Variants in OPRD1 observed in about 807,000 individuals in gnomAD.
OPRD1 encodes opioid receptor delta 1.
OPRD1 carries 19 observed loss-of-function variants against 17.5 expected under a neutral mutation model. The ratio of observed to expected loss-of-function variants is 1.09; its 90% CI spans 0.76 to 1.60. The LOEUF (loss-of-function observed/expected upper bound fraction) is 1.60, where lower values mean the gene tolerates loss of function less well. OPRD1 is among the 40% of genes most tolerant of loss of function. The pLI, the probability that OPRD1 is intolerant of heterozygous loss-of-function variation, is 0.00. For missense variants in OPRD1, 483 were observed against 547.2 expected (o/e 0.88, Z 1.17); for synonymous variants, 256 against 240.9 (o/e 1.06, Z -0.58).
At chr1:28,812,686 G>C in intron 1 of OPRD1, 76 bp downstream of exon 1, 1 of 1,290,958 alleles carries the variant, frequency 7.7e-7, no homozygotes. Flanking sequence ...GAGACCCCAA[G>C]CCCGTTCCCT....
chr1:28,821,072 C>G (rs893662887), intron 1 of OPRD1, among the ~76,000 whole-genome samples: 6 of 151,772 alleles, frequency 4.0e-5, no homozygotes, highest in Admixed American at 1.3e-4. Flanking sequence ...TTTTCTGTCT[C>G]TCTTTCTGTT....
At chr1:28,837,333 G>A (rs78612345) in intron 1 of OPRD1, among the ~76,000 whole-genome samples, 1 of 152,062 alleles carries the variant, frequency 6.6e-6, no homozygotes, top group East Asian at 1.9e-4. Flanking sequence ...CTCACCTCCT[G>A]CTCTGTGGGC....
intron 1 of OPRD1, among the ~76,000 whole-genome samples, chr1:28,843,948 G>A (rs2088918203): frequency 6.6e-6 from 1 of 152,064 alleles, no homozygotes; most frequent in South Asian, 2.1e-4. Flanking sequence ...GAAGAATACT[G>A]CTATGAACAT....
chr1:28,821,256 C>T (rs1166749247), intron 1 of OPRD1, among the ~76,000 whole-genome samples: 1 of 152,116 alleles, frequency 6.6e-6, no homozygotes, highest in East Asian at 1.9e-4. Context: ...GTACCTGCCA[C>T]CATGCCCGGC....
intron 1 of OPRD1, among the ~76,000 whole-genome samples, chr1:28,848,262 G>A (rs1043313489): frequency 1.3e-5 from 2 of 151,828 alleles, no homozygotes; most frequent in South Asian, 2.1e-4. Flanking sequence ...AAAAATGACA[G>A]CAAGAGAAAC....
intron 1 of OPRD1, among the ~76,000 whole-genome samples, chr1:28,855,078 A>C (rs908256114): frequency 1.3e-5 from 2 of 152,152 alleles, no homozygotes; most frequent in Non-Finnish European, 2.9e-5. Context: ...AAAGAAGATG[A>C]ATGTAAGTCA....
chr1:28,819,185 G>A (rs533587353), intron 1 of OPRD1, among the ~76,000 whole-genome samples: 5 of 152,194 alleles, frequency 3.3e-5, no homozygotes, highest in African/African-American at 1.2e-4. Context: ...GACCTAACAA[G>A]AAGGCAGGAA....
intron 1 of OPRD1, among the ~76,000 whole-genome samples, chr1:28,839,109 T>C (rs1161554475): frequency 6.6e-6 from 1 of 152,174 alleles, no homozygotes; most frequent in Admixed American, 6.6e-5. Flanking sequence ...GCAGACTTGA[T>C]GGCTTAAAAC....
chr1:28,828,656 A>G (rs1279038892), intron 1 of OPRD1, among the ~76,000 whole-genome samples: 1 of 144,314 alleles, frequency 6.9e-6, no homozygotes, highest in Non-Finnish European at 1.5e-5. Flanking sequence ...ACTGCATTCC[A>G]GCCTGAGTGA....
At chr1:28,820,142 A>G (rs2088700224) in intron 1 of OPRD1, among the ~76,000 whole-genome samples, 1 of 151,534 alleles carries the variant, frequency 6.6e-6, no homozygotes, top group Non-Finnish European at 1.5e-5. Flanking sequence ...GAGGAGTCAC[A>G]CTTGCTTTGC....
At chr1:28,837,634 G>C (rs1284359080) in intron 1 of OPRD1, among the ~76,000 whole-genome samples, 1 of 151,286 alleles carries the variant, frequency 6.6e-6, no homozygotes, top group African/African-American at 2.4e-5. Flanking sequence ...GTGACAGAGT[G>C]AGATTCCGTC....
rs1557583770 is a variant in OPRD1, at chr1:28,869,940, GCCATGTTGTTGCCT to G, written c.*6658_*6671del. The G allele has an allele frequency of 1.3e-5, 2 of 152,180 alleles. No individual in the cohort carries two copies. The highest frequency in any genetic ancestry group is 4.8e-5 in the African/African-American group (2 of 41,434). 9.4% of individuals were successfully genotyped at this position (152,180 alleles called of 1,614,324 possible). ...TTGTTTGATAATTTTCTGACTGACT[GCCATGTTGTTGCCT>G]TGTGACCTTGGGCATGTCATTTCAC... is the stretch of plus-strand genomic sequence containing the variant. On this transcript the variant is annotated 3_prime_UTR_variant, in exon 3 of 3. Coordinates refer to ENST00000234961, the MANE Select transcript of OPRD1 (RefSeq NM_000911.4).
intron 1 of OPRD1, among the ~76,000 whole-genome samples, chr1:28,833,624 G>A (rs887699419): frequency 6.6e-6 from 1 of 152,122 alleles, no homozygotes; most frequent in Admixed American, 6.6e-5. Context: ...TCACAGCAAC[G>A]CCTCGATTAG....
At chr1:28,852,109 G>A (rs1261635292) in intron 1 of OPRD1, among the ~76,000 whole-genome samples, 1 of 146,628 alleles carries the variant, frequency 6.8e-6, no homozygotes, top group Non-Finnish European at 1.5e-5. Context: ...GGAGCTTGGA[G>A]TGAGCCGAGA....
At chr1:28,816,146 G>T (rs909247211) in intron 1 of OPRD1, among the ~76,000 whole-genome samples, 1 of 152,180 alleles carries the variant, frequency 6.6e-6, no homozygotes, top group Non-Finnish European at 1.5e-5. Context: ...TACATGCTCT[G>T]TGCTAAATGC....
intron 1 of OPRD1, among the ~76,000 whole-genome samples, chr1:28,847,034 C>T (rs1433820018): frequency 6.7e-6 from 1 of 148,760 alleles, no homozygotes; most frequent in Non-Finnish European, 1.5e-5. Context: ...CTTTCCTGTC[C>T]CCTTTCCTTT....
At position 28,812,503 on chromosome 1, in the gene OPRD1, G is replaced by A. The variant is rs2088639941; in HGVS notation, c.120G>A (p.Ala40=). 7.0e-6 allele frequency: 11 copies of A among 1,564,756 alleles called. No individual in the cohort carries two copies. The highest frequency in any genetic ancestry group is 2.4e-5 in the East Asian group (1 of 41,162). Residue 40 remains alanine, a synonymous_variant, in exon 1 of 3, where the codon GCG becomes GCA. Transcript: ENST00000234961. ...CCAATGCGTCGGGGCCGCCAGGCGC[G>A]CGGAGCGCCTCGTCCCTCGCCCTGG... is the stretch of plus-strand genomic sequence containing the variant. ...AGANASGPPG[A]RSASSLALAI...
chr1:28,812,900 G>C (rs1307757938), intron 1 of OPRD1, among the ~76,000 whole-genome samples: 2 of 152,180 alleles, frequency 1.3e-5, no homozygotes, highest in African/African-American at 4.8e-5. Context: ...ACAGTTTGGC[G>C]TCAGTTTGTG....
intron 1 of OPRD1, among the ~76,000 whole-genome samples, chr1:28,836,457 C>T (rs1006968776): frequency 2.0e-5 from 3 of 151,168 alleles, no homozygotes; most frequent in African/African-American, 7.3e-5. Flanking sequence ...TTGCAGTGAG[C>T]CGAGATCGCG....
Sources: allele counts gnomAD v4.1 joint callset (sites outside exome capture counted in the v4.1 genomes callset), GRCh38; gene constraint gnomAD v4.1.1; transcripts MANE v1.5; gene names NCBI Gene and HGNC (gene_info 2026-07-23, HGNC 2026-07-21).